The following KIF18B variants were observed in gnomAD, a reference collection of about 807,000 sequenced individuals.
The protein encoded by KIF18B is kinesin family member 18B.
A neutral mutation model predicts 80.9 loss-of-function variants in KIF18B; 49 were observed. The ratio of observed to expected loss-of-function variants is 0.61; its 90% CI spans 0.48 to 0.77. The LOEUF (loss-of-function observed/expected upper bound fraction) is 0.77. Ranked by LOEUF, KIF18B falls within the 30% of genes least tolerant of loss-of-function variation. KIF18B has a pLI of 0.00. For missense variants in KIF18B, 994 were observed against 1,127.7 expected, an observed-to-expected ratio of 0.88 and a Z score of 1.70; for synonymous variants, 439 against 463.9, an observed-to-expected ratio of 0.95 and a Z score of 0.69.
chr17:44,936,139 G>C lies in KIF18B; in HGVS notation c.206C>G (p.Thr69Arg). ...DGPKKKGKDL[T>R]FVFDRVFGEA... ...GCCAAAGACCCGGTCAAAGACAAAC[G>C]TCAGGTCTTTGCCCTTCTTCTTGGG... Residue 69 changes from threonine to arginine, a missense_variant, in exon 2 of 16, where the codon ACG becomes AGG. By Grantham distance (71) the Thr-to-Arg change is moderately conservative (BLOSUM62 -1). Transcript: ENST00000593135. The C allele has an allele frequency of 6.2e-7, 1 of 1,613,754 alleles. No homozygotes were observed. The highest frequency in any genetic ancestry group is 8.5e-7 in the Non-Finnish European group (1 of 1,179,848).
At chr17:44,945,684 C>T (rs1418951020) in intron 1 of KIF18B, among the ~76,000 whole-genome samples, 4 of 151,746 alleles carry the variant, frequency 2.6e-5, no homozygotes, top group Non-Finnish European at 5.9e-5. Context: ...GTGGGTGGAT[C>T]ACCTGACGTC....
rs562153353 is a variant in KIF18B, at chr17:44,928,934, A to G, written c.1608T>C (p.Phe536=). 9 of 1,613,902 alleles carry G rather than the reference A, an allele frequency of 5.6e-6. No individual in the cohort carries two copies. In the East Asian group the frequency reaches 1.8e-4, roughly 32 times the overall value. The change falls in exon 12 of 16, where the codon TTT becomes TTC. Residue 536 remains phenylalanine (F), a synonymous_variant. Transcript: ENST00000593135. ...CTTGCACCAGCTGCTGTAGGGTCTC[A>G]AACTCTGTGATCATGTCGGGCGTCA... is the stretch of plus-strand genomic sequence containing the variant. ...NLLTPDMITE[F]ETLQQLVQEE... is the part of the protein sequence containing the mutation.
At position 44,931,621 on chromosome 17, in the gene KIF18B, C is replaced by T. The variant is rs147668191; in HGVS notation, c.1498G>A (p.Asp500Asn). 108 of 1,614,000 alleles carry T rather than the reference C, an allele frequency of 6.7e-5. 2 individuals carry two copies. In the East Asian group the frequency reaches 2.4e-3, roughly 36 times the overall value. The change falls in exon 11 of 16, where the codon GAT becomes AAT. Residue 500 changes from aspartate to asparagine, a missense_variant. Asp to Asn is a conservative substitution (Grantham distance 23). Coordinates refer to ENST00000593135, the MANE Select transcript of KIF18B (RefSeq NM_001265577.2). ...ACCTACTGCTTAGAACGGTCCCCAT[C>T]CAGTTCCCGTGCTGAGAAGTGGCCC... is the stretch of plus-strand genomic sequence containing the variant. ...VVGHFSAREL[D>N]GDRSKQLALK...
chr17:44,932,456 T>G lies in KIF18B; in HGVS notation c.1238+217A>C, dbSNP rs558388014. The stretch of plus-strand genomic sequence containing the variant: ...CCTAAGTTCACCTTCTCTCGAATAG[T>G]AGGCCCTGCTCTTACGGGCTGGGGT... On this transcript the variant is annotated intron_variant, in intron 9 of 15. Transcript: ENST00000593135. The G allele has an allele frequency of 1.9e-5, 11 of 594,504 alleles. No individual in the cohort carries two copies. In the African/African-American group the frequency reaches 1.9e-4, roughly 10 times the overall value. The allele number at this position is 594,504 out of a possible 1,614,324, so 36.8% of individuals were successfully genotyped here.
chr17:44,928,810 G>A lies in KIF18B; in HGVS notation c.1723+9C>T. On this transcript the variant is annotated intron_variant, in intron 12 of 15. Transcript: ENST00000593135. ...GAAGACAGGCAGGGGAGAGCAGGAT[G>A]AGACTCACTTGACTCTGAACACAGC... is the stretch of plus-strand genomic sequence containing the variant. 1 of 1,612,630 alleles carries A rather than the reference G, an allele frequency of 6.2e-7. No individual in the cohort carries two copies. The highest frequency in any genetic ancestry group is 1.1e-5 in the South Asian group (1 of 90,984).
chr17:44,928,205 C>G lies in KIF18B; in HGVS notation c.2097G>C (p.Val699=). The G allele has an allele frequency of 6.2e-7, 1 of 1,612,502 alleles. No homozygotes were observed. The change falls in exon 13 of 16, where the codon GTG becomes GTC. Residue 699 remains valine (V), a synonymous_variant. Coordinates refer to ENST00000593135, the MANE Select transcript of KIF18B (RefSeq NM_001265577.2). The part of the protein sequence containing the change: ...VCPATVIKSR[V]PLGPSAMQNC... ...TCTGCATGGCGGAAGGGCCCAGGGG[C>G]ACCCGGCTTTTGATGACTGTGGCTG...
intron 1 of KIF18B, among the ~76,000 whole-genome samples, chr17:44,937,989 C>T (rs1375264593): frequency 7.9e-6 from 1 of 125,908 alleles, no homozygotes; most frequent in African/African-American, 3.3e-5. Flanking sequence ...CACACACACA[C>T]ACACACACAC....
Position 44,931,632 on chromosome 17 carries a change from G to C in KIF18B, c.1487C>G (p.Ala496Gly). ...AGAACGGTCCCCATCCAGTTCCCGT[G>C]CTGAGAAGTGGCCCACGACTGGCTT... ...QPKPVVGHFS[A>G]RELDGDRSKQ... Residue 496 changes from alanine to glycine, a missense_variant, in exon 11 of 16, where the codon GCA (alanine) becomes GGA (glycine). Ala to Gly is a moderately conservative substitution (Grantham distance 60). Coordinates refer to ENST00000593135, the MANE Select transcript of KIF18B (RefSeq NM_001265577.2). 6.2e-7 allele frequency: 1 copy of C among 1,614,014 alleles called. No homozygotes were observed. The highest frequency in any genetic ancestry group is 2.2e-5 in the East Asian group (1 of 44,886).
At chr17:44,931,918 C>A (rs1254964737) in intron 10 of KIF18B, 138 bp downstream of exon 10, 6 of 1,193,098 alleles carry the variant, frequency 5.0e-6, no homozygotes, top group Non-Finnish European at 7.0e-6. Flanking sequence ...AATCTGAAAT[C>A]CTCCTAATGA....
At chr17:44,947,455 A>G (rs1024472115) in intron 1 of KIF18B, among the ~76,000 whole-genome samples, 173 bp downstream of exon 1, 2 of 152,228 alleles carry the variant, frequency 1.3e-5, no homozygotes, top group African/African-American at 4.8e-5. Context: ...AAAGGGGTCC[A>G]TGCAGACAGA....
chr17:44,936,598 C>CTATATATATA (rs1218900628), intron 1 of KIF18B, among the ~76,000 whole-genome samples: 21 of 27,854 alleles, frequency 7.5e-4, no homozygotes, highest in Non-Finnish European at 9.6e-4. Flanking sequence ...CTCTCTCTCT[C>CTATATATATA]TATATATATA....
chr17:44,932,564 T>G (rs371756855), intron 9 of KIF18B, 109 bp downstream of exon 9: 1 of 727,358 alleles, frequency 1.4e-6, no homozygotes, highest in African/African-American at 1.7e-5. Flanking sequence ...ACCCTAGGGA[T>G]TGGAGCAGAA....
At position 44,932,139 on chromosome 17, in the gene KIF18B, C is replaced by A. The variant is rs757818902; in HGVS notation, c.1306G>T (p.Ala436Ser). ...ALQEESLGME[A>S]QVERAMEGNS... ...CCTTCCATGGCCCTCTCCACCTGGG[C>A]CTCCATCCCCAGACTCTCCTCTTGA... is the stretch of plus-strand genomic sequence containing the variant. Residue 436 changes from alanine (A) to serine (S), a missense_variant, in exon 10 of 16, where the codon GCC becomes TCC. Physicochemically the swap from Ala to Ser is moderately conservative, Grantham distance 99. Transcript: ENST00000593135. 6.2e-7 allele frequency: 1 copy of A among 1,613,860 alleles called. No homozygotes were observed. Among genetic ancestry groups the A allele is most frequent in the East Asian group, 2.2e-5 (1 of 44,878 alleles).
rs772008438 is a variant in KIF18B, at chr17:44,931,614, T to TCCCC, written c.1501_1504dup (p.Asp502GlyfsTer5). On this transcript the variant is annotated frameshift_variant, in exon 11 of 16. Transcript: ENST00000593135. LOFTEE classifies it high-confidence loss of function. ...AGAAGATACCTACTGCTTAGAACGG[T>TCCCC]CCCCATCCAGTTCCCGTGCTGAGAA... The TCCCC allele has an allele frequency of 6.2e-7, 1 of 1,613,924 alleles. No individual in the cohort carries two copies. Among genetic ancestry groups the TCCCC allele is most frequent in the Non-Finnish European group, 8.5e-7 (1 of 1,179,874 alleles).
chr17:44,931,957 G>C, intron 10 of KIF18B, 99 bp downstream of exon 10: 1 of 1,324,864 alleles, frequency 7.5e-7, no homozygotes, highest in Non-Finnish European at 1.0e-6. Flanking sequence ...ACATAGAGAC[G>C]GGACTAAAGG....
chr17:44,938,593 T>C (rs1567797631), intron 1 of KIF18B, among the ~76,000 whole-genome samples: 1 of 152,224 alleles, frequency 6.6e-6, no homozygotes, highest in Non-Finnish European at 1.5e-5. Flanking sequence ...GTCATGGAGA[T>C]GGAATTTTTT....
chr17:44,927,041 G>A lies in KIF18B; in HGVS notation c.2314C>T (p.Pro772Ser). 1 of 1,612,850 alleles carries A rather than the reference G, an allele frequency of 6.2e-7. No individual in the cohort carries two copies. The highest frequency in any genetic ancestry group is 8.5e-7 in the Non-Finnish European group (1 of 1,179,462). ...GAGGTCCCAGGGAGGGAAGATGTTGGCTTGGGGCCCTTCATGGTGAACAGG... is the reference window on the plus strand; with the variant it reads ...GAGGTCCCAGGGAGGGAAGATGTTGACTTGGGGCCCTTCATGGTGAACAGG... The part of the protein sequence containing the change: ...VPLFTMKGPK[P>S]TSSLPGTSAC... Residue 772 changes from proline (P) to serine (S), a missense_variant, in exon 14 of 16, where the codon CCA (proline) becomes TCA (serine). By Grantham distance (74) the Pro-to-Ser change is moderately conservative (BLOSUM62 -1). Coordinates refer to ENST00000593135, the MANE Select transcript of KIF18B (RefSeq NM_001265577.2). This position sits in a 1 kb window ranked among gnomAD's most constrained non-coding sequence, Gnocchi z 4.1.
In KIF18B at chr17:44,926,110, TGA is replaced by T. The variant is rs2052019207; in HGVS notation, c.2527_2528del (p.Ala844ArgfsTer15). 1 of 1,613,906 alleles carries T rather than the reference TGA, an allele frequency of 6.2e-7. No homozygotes were observed. The highest frequency in any genetic ancestry group is 8.5e-7 in the Non-Finnish European group (1 of 1,179,880). On this transcript the variant is annotated frameshift_variant, in exon 16 of 16. Coordinates refer to ENST00000593135, the MANE Select transcript of KIF18B (RefSeq NM_001265577.2). LOFTEE classifies it high-confidence loss of function. ...ACACCTTGGTGACGCCGTTCCCTGC[TGA>T]GAGTGCTCTCCCCACCCTGATGAGG... ...KDLIRVGRAL[S>X]AGNGVTKVS is the part of the protein sequence containing the mutation.
At position 44,936,143 on chromosome 17, in the gene KIF18B, G is replaced by T; in HGVS notation, c.202C>A (p.Leu68Met). The change falls in exon 2 of 16, where the codon CTG becomes ATG. Residue 68 changes from leucine (L) to methionine (M), a missense_variant. By Grantham distance (15) the Leu-to-Met change is conservative. Coordinates refer to ENST00000593135, the MANE Select transcript of KIF18B (RefSeq NM_001265577.2). The part of the protein sequence containing the change: ...HDGPKKKGKD[L>M]TFVFDRVFGE... ...AAGACCCGGTCAAAGACAAACGTCA[G>T]GTCTTTGCCCTTCTTCTTGGGGCCA... 1 of 1,613,794 alleles carries T rather than the reference G, an allele frequency of 6.2e-7. No individual in the cohort carries two copies. Among genetic ancestry groups the T allele is most frequent in the South Asian group, 1.1e-5 (1 of 91,060 alleles).
Sources: gnomAD v4.1 joint callset for allele counts (sites outside exome capture counted in the v4.1 genomes callset) on GRCh38, gnomAD v4.1.1 for gene constraint, Gnocchi (gnomAD v3.1) non-coding constraint, MANE v1.5 for transcripts, NCBI Gene and HGNC (gene_info 2026-07-23, HGNC 2026-07-21) for gene names.